The following SYT1 variants were observed in gnomAD, a reference collection of about 807,000 sequenced individuals.
The protein encoded by SYT1 is synaptotagmin-1.
Under a neutral mutation model 44.8 loss-of-function variants are expected in SYT1, and 8 were observed. The observed-to-expected ratio is 0.18, with a 90% CI of 0.10 to 0.32. SYT1 has a LOEUF of 0.32. SYT1 is among the 10% of genes least tolerant of loss of function. The pLI is 1.00. For synonymous variants in SYT1, 154 were observed against 188.8 expected (o/e 0.82, Z 1.51); for missense variants, 286 against 509.3 (o/e 0.56, Z 4.22).
At chr12:78,989,482 C>A (rs996854778) in intron 2 of SYT1, among the ~76,000 whole-genome samples, 3 of 152,070 alleles carry the variant, frequency 2.0e-5, no homozygotes, top group African/African-American at 2.4e-5. Context: ...GCCTAGCCCC[C>A]CCGTTCCCAG....
At chr12:79,157,081 A>G (rs2138287263) in intron 3 of SYT1, among the ~76,000 whole-genome samples, 1 of 152,268 alleles carries the variant, frequency 6.6e-6, no homozygotes, top group East Asian at 1.9e-4. Context: ...GAGTTCAAGT[A>G]GACTGCCTAG....
chr12:78,973,969 ATATATATATATATATATATG>A (rs1868623418), intron 1 of SYT1, among the ~76,000 whole-genome samples: 1 of 106,268 alleles, frequency 9.4e-6, no homozygotes, highest in Non-Finnish European at 1.9e-5. Flanking sequence ...ATATATATAT[ATATATATATATATATATATG>A]CAGTCATGTC....
At chr12:78,983,660 T>C (rs1335002009) in intron 2 of SYT1, among the ~76,000 whole-genome samples, 1 of 152,120 alleles carries the variant, frequency 6.6e-6, no homozygotes, top group Non-Finnish European at 1.5e-5. Context: ...TGTGTACACA[T>C]ATAAATGTCT....
chr12:78,881,418 C>G (rs1374147770), intron 1 of SYT1, among the ~76,000 whole-genome samples: 3 of 151,676 alleles, frequency 2.0e-5, no homozygotes, highest in Non-Finnish European at 4.4e-5. Flanking sequence ...AGAGCCACCC[C>G]CTTTTGGTTT....
At chr12:79,286,803 C>G (rs1487003827) in intron 5 of SYT1, among the ~76,000 whole-genome samples, 3 of 151,982 alleles carry the variant, frequency 2.0e-5, no homozygotes, top group East Asian at 1.9e-4. Context: ...TTGAATATCT[C>G]TAAAGAATAT....
chr12:79,414,865 G>T (rs1868636661), intron 9 of SYT1, among the ~76,000 whole-genome samples: 1 of 152,160 alleles, frequency 6.6e-6, no homozygotes, highest in South Asian at 2.1e-4. Flanking sequence ...AATTTTCAGG[G>T]TCCTCAAGAA....
At chr12:79,017,098 T>A (rs1418647522) in intron 2 of SYT1, among the ~76,000 whole-genome samples, 1 of 152,134 alleles carries the variant, frequency 6.6e-6, no homozygotes, top group East Asian at 1.9e-4. Flanking sequence ...TCCACAAGAT[T>A]TCCAAAGGTG....
At chr12:79,320,882 A>G (rs1268601535) in intron 8 of SYT1, among the ~76,000 whole-genome samples, 2 of 151,452 alleles carry the variant, frequency 1.3e-5, no homozygotes, top group African/African-American at 4.9e-5. Flanking sequence ...CGGCCTCCCA[A>G]AGTGCTGGGA....
chr12:78,988,130 T>C (rs759523183), intron 2 of SYT1, among the ~76,000 whole-genome samples: 3 of 149,852 alleles, frequency 2.0e-5, no homozygotes, highest in African/African-American at 4.9e-5. Context: ...ACTGAACAAA[T>C]TTTTTTTTTC....
Position 79,233,221 on chromosome 12 carries a change from C to T in SYT1, c.166+15536C>T, listed in dbSNP as rs537859937. Among the ~76,000 whole-genome samples the T allele has an allele frequency of 5.3e-5, 8 of 152,324 alleles. No homozygotes were observed. The East Asian group carries it at 1.5e-3, about 29-fold the overall frequency. On this transcript the variant is annotated intron_variant, in intron 4 of 10. Transcript: ENST00000261205. Reference sequence around the variant, plus strand: ...GTTTATTCCAAGTGGAGATCAGGGACTCGGTGATAGCTTCATCTTTTTGTT... The same window carrying T: ...GTTTATTCCAAGTGGAGATCAGGGATTCGGTGATAGCTTCATCTTTTTGTT...
chr12:78,966,486 T>C (rs145434967), intron 1 of SYT1, among the ~76,000 whole-genome samples: 121 of 152,276 alleles, frequency 7.9e-4, no homozygotes, highest in African/African-American at 2.7e-3. Context: ...ATGACTTAAA[T>C]CTACTACACC....
rs1264633792 is a variant in SYT1 at position 78,931,431 on chromosome 12, G to GGAAGGAAGGAAA, written c.-216-46365_-216-46364insGGAAGGAAAGAA. ...AGGAAGGAAGGAAGGAAGGAAGGAA[G>GGAAGGAAGGAAA]GAAAAGAAAGAAATAGAGAGAGAGA... On this transcript the variant is annotated intron_variant, in intron 1 of 10. Coordinates refer to ENST00000261205, the MANE Select transcript of SYT1 (RefSeq NM_005639.3). 6.7e-4 allele frequency among the ~76,000 whole-genome samples: 87 copies of GGAAGGAAGGAAA among 130,706 alleles called. 1 individual carries two copies. The highest frequency in any genetic ancestry group is 2.1e-3 in the African/African-American group (69 of 33,138). 85.7% of individuals were successfully genotyped at this position (130,706 alleles called of 152,430 possible).
At chr12:79,279,841 G>A (rs1371974251) in intron 4 of SYT1, among the ~76,000 whole-genome samples, 3 of 151,922 alleles carry the variant, frequency 2.0e-5, no homozygotes, top group Non-Finnish European at 4.4e-5. Flanking sequence ...ACTGCTATAT[G>A]CCAATAATGA....
chr12:78,876,795 A>ATTT (rs1555177056), intron 1 of SYT1, among the ~76,000 whole-genome samples: 3 of 27,154 alleles, frequency 1.1e-4, no homozygotes, highest in African/African-American at 5.5e-4. Context: ...TAATACATAT[A>ATTT]ATATATTATA....
chr12:79,203,390 C>A (rs1440136354), intron 3 of SYT1, among the ~76,000 whole-genome samples: 4 of 152,180 alleles, frequency 2.6e-5, no homozygotes, highest in African/African-American at 9.7e-5. Context: ...GCAAACACAT[C>A]ACCACCCAGC....
chr12:79,228,513 T>G (rs1229587853), intron 4 of SYT1, among the ~76,000 whole-genome samples: 2 of 152,134 alleles, frequency 1.3e-5, no homozygotes, highest in Non-Finnish European at 2.9e-5. Flanking sequence ...TCTCCTTTCT[T>G]CCTCTTCTTT....
chr12:79,308,291 G>A (rs781533757), intron 8 of SYT1, among the ~76,000 whole-genome samples: 7 of 152,078 alleles, frequency 4.6e-5, no homozygotes, highest in African/African-American at 1.4e-4. Flanking sequence ...TTGGGAGGCC[G>A]AGACGGGAGA....
intron 2 of SYT1, among the ~76,000 whole-genome samples, chr12:78,985,063 A>G (rs747391164): frequency 8.6e-5 from 13 of 151,972 alleles, no homozygotes; most frequent in African/African-American, 1.2e-4. Flanking sequence ...CCAAAAAGAA[A>G]CTTACTGAAA....
chr12:78,984,462 T>C (rs1209153249), intron 2 of SYT1, among the ~76,000 whole-genome samples: 3 of 152,004 alleles, frequency 2.0e-5, no homozygotes, highest in Non-Finnish European at 4.4e-5. Context: ...TGCTTTTTGG[T>C]CATTGATCTT....
Sources: gnomAD v4.1 joint callset for allele counts (sites outside exome capture counted in the v4.1 genomes callset) on GRCh38, gnomAD v4.1.1 for gene constraint, MANE v1.5 for transcripts, NCBI Gene and HGNC (gene_info 2026-07-23, HGNC 2026-07-21) for gene names.